Variants in RNF150 observed in about 807,000 individuals in gnomAD.
RNF150 encodes ring finger protein 150.
Under a neutral mutation model 39.3 loss-of-function variants are expected in RNF150, and 24 were observed. The ratio of observed to expected loss-of-function variants is 0.61; its 90% CI spans 0.44 to 0.86. The LOEUF (loss-of-function observed/expected upper bound fraction) is 0.86. RNF150 is among the 40% of genes least tolerant of loss of function. RNF150 has a pLI of 0.00. For missense variants in RNF150, 502 were observed against 587.8 expected (o/e 0.85, Z 1.51); for synonymous variants, 255 against 227.3 (o/e 1.12, Z -1.10).
Position 141,027,926 on chromosome 4 carries a change from GTTTTTT to G in RNF150, c.485-60059_485-60054del, listed in dbSNP as rs61543533. Among the ~76,000 whole-genome samples the G allele has an allele frequency of 6.5e-4, 45 of 69,124 alleles. 2 individuals are homozygous for G. Among genetic ancestry groups the G allele is most frequent in the African/African-American group, 1.1e-3 (20 of 18,430 alleles). 45.3% of individuals were successfully genotyped at this position (69,124 alleles called of 152,430 possible). The stretch of plus-strand genomic sequence containing the variant: ...GCTTGGAATTTGTTTTTTTTTTTTT[GTTTTTT>G]TTTTTTTTTTTTTTTTTTTTCAATC... On this transcript the variant is annotated intron_variant, in intron 1 of 6. Coordinates refer to ENST00000515673, the MANE Select transcript of RNF150 (RefSeq NM_020724.2).
At chr4:140,974,998 G>T (rs79012196) in intron 1 of RNF150, among the ~76,000 whole-genome samples, 2,776 of 152,230 alleles carry the variant, frequency 0.018, 75 homozygotes, top group African/African-American at 0.063. Flanking sequence ...TCTCACACCT[G>T]TAATCTCAGC....
At chr4:141,081,889 G>A (rs1245542830) in intron 1 of RNF150, among the ~76,000 whole-genome samples, 1 of 152,190 alleles carries the variant, frequency 6.6e-6, no homozygotes, top group East Asian at 1.9e-4. Flanking sequence ...ATACCCTGTG[G>A]AGAATTCAGT....
chr4:141,157,707 T>C (rs1302810875), intron 1 of RNF150, among the ~76,000 whole-genome samples: 1 of 152,162 alleles, frequency 6.6e-6, no homozygotes, highest in Admixed American at 6.6e-5. Context: ...TAAGGAAGTT[T>C]ACACGATAAC....
chr4:141,074,195 T>C (rs1188856103), intron 1 of RNF150, among the ~76,000 whole-genome samples: 1 of 152,028 alleles, frequency 6.6e-6, no homozygotes, highest in Non-Finnish European at 1.5e-5. Context: ...AGCAATATCC[T>C]GCGAGCAGAG....
At chr4:141,137,402 T>A (rs143748428), upstream of RNF150, among the ~76,000 whole-genome samples, 4 of 152,252 alleles carry the variant, frequency 2.6e-5, no homozygotes, top group African/African-American at 9.6e-5. Flanking sequence ...ATGAGCATGG[T>A]GAGAAGTGAT....
chr4:141,004,049 G>C (rs1168489879), intron 1 of RNF150, among the ~76,000 whole-genome samples: 4 of 152,082 alleles, frequency 2.6e-5, no homozygotes, highest in Non-Finnish European at 2.9e-5. Context: ...AATTATACCT[G>C]CTACAGTGGT....
chr4:141,175,135 G>A (rs118123758), intron 1 of RNF150, among the ~76,000 whole-genome samples: 4 of 152,160 alleles, frequency 2.6e-5, no homozygotes, highest in Non-Finnish European at 5.9e-5. Context: ...GAGTGCTGAT[G>A]GTGGGAACGA....
At chr4:140,873,994 C>G (rs1729051889) in intron 6 of RNF150, among the ~76,000 whole-genome samples, 1 of 152,060 alleles carries the variant, frequency 6.6e-6, no homozygotes, top group African/African-American at 2.4e-5. Flanking sequence ...GCTTTGTGAC[C>G]TACTTTGTTC....
At chr4:140,994,536 A>G (rs746431882) in intron 1 of RNF150, among the ~76,000 whole-genome samples, 4 of 152,236 alleles carry the variant, frequency 2.6e-5, no homozygotes, top group Non-Finnish European at 5.9e-5. Flanking sequence ...AACCAAAGCC[A>G]GGGGCTAATA....
At chr4:141,019,509 G>A (rs1401471497) in intron 1 of RNF150, among the ~76,000 whole-genome samples, 3 of 152,034 alleles carry the variant, frequency 2.0e-5, no homozygotes, top group East Asian at 3.9e-4. Context: ...TGTTTGAAAC[G>A]ACTTCTTAAT....
intron 1 of RNF150, among the ~76,000 whole-genome samples, chr4:141,079,423 T>C (rs1738063836): frequency 6.6e-6 from 1 of 152,226 alleles, no homozygotes; most frequent in Non-Finnish European, 1.5e-5. Context: ...TAGTGATCAA[T>C]TGGTAGAGTA....
intron 6 of RNF150, among the ~76,000 whole-genome samples, chr4:140,889,253 C>T (rs1729678782): frequency 6.6e-6 from 1 of 152,164 alleles, no homozygotes; most frequent in Non-Finnish European, 1.5e-5. Context: ...AAAAGAGTCA[C>T]ATTCCCTTTT....
At chr4:140,880,350 C>T (rs1294572537) in intron 6 of RNF150, among the ~76,000 whole-genome samples, 2 of 151,846 alleles carry the variant, frequency 1.3e-5, no homozygotes, top group African/African-American at 4.8e-5. Flanking sequence ...GGGATAAATC[C>T]CACTTGGTCA....
intron 1 of RNF150, among the ~76,000 whole-genome samples, chr4:141,167,511 T>C (rs2572242): frequency 0.97 from 147,870 of 152,254 alleles, 71,959 homozygotes; most frequent in East Asian, 1. Context: ...AAGAAGAAAG[T>C]GAGAAGCATC....
chr4:140,948,449 T>A (rs1203937229), intron 3 of RNF150, among the ~76,000 whole-genome samples: 3 of 152,150 alleles, frequency 2.0e-5, no homozygotes, highest in African/African-American at 7.2e-5. Context: ...TGCTCTAACT[T>A]GGCCTAGGGA....
At chr4:140,968,238 T>C (rs141608921) in intron 1 of RNF150, among the ~76,000 whole-genome samples, 48 of 152,088 alleles carry the variant, frequency 3.2e-4, no homozygotes, top group African/African-American at 1.1e-3. Flanking sequence ...TTGCATTCCA[T>C]AGATCCCCTG....
At chr4:141,155,171 T>G (rs955162595) in intron 1 of RNF150, among the ~76,000 whole-genome samples, 1 of 151,990 alleles carries the variant, frequency 6.6e-6, no homozygotes, top group Non-Finnish European at 1.5e-5. Flanking sequence ...CTGCAACCTC[T>G]GCCTTCTGGG....
At chr4:141,053,663 T>C in intron 1 of RNF150, 3 of 1,371,582 alleles carry the variant, frequency 2.2e-6, no homozygotes, top group Non-Finnish European at 2.8e-6. Flanking sequence ...GGCTAAAGCA[T>C]ACCTGAGGAA....
chr4:141,057,351 T>A (rs949881953), intron 1 of RNF150, among the ~76,000 whole-genome samples: 3 of 152,032 alleles, frequency 2.0e-5, no homozygotes, highest in African/African-American at 4.8e-5. Flanking sequence ...CAATTTAAAA[T>A]TTTTTAGGTA....
Sources: allele counts gnomAD v4.1 joint callset (sites outside exome capture counted in the v4.1 genomes callset), GRCh38; gene constraint gnomAD v4.1.1; transcripts MANE v1.5; gene names NCBI Gene and HGNC (gene_info 2026-07-23, HGNC 2026-07-21).